The following TMED8 variants were observed in gnomAD, a reference collection of about 807,000 sequenced individuals.
The protein encoded by TMED8 is transmembrane p24 trafficking protein family member 8.
Under a neutral mutation model 32.7 loss-of-function variants are expected in TMED8, and 15 were observed. The observed-to-expected ratio is 0.46, with a 90% CI of 0.31 to 0.71. The LOEUF is 0.71. TMED8 is among the 30% of genes least tolerant of loss of function. TMED8 has a pLI of 0.06. For missense variants in TMED8, 390 were observed against 423.9 expected, an observed-to-expected ratio of 0.92 and a Z score of 0.70; for synonymous variants, 147 against 161.4, an observed-to-expected ratio of 0.91 and a Z score of 0.68.
At chr14:77,355,138 T>C (rs559542405) in intron 1 of TMED8, among the ~76,000 whole-genome samples, 4 of 131,152 alleles carry the variant, frequency 3.0e-5, no homozygotes, top group African/African-American at 7.7e-5. Context: ...TGCATACAAA[T>C]ACAAATGTAT....
chr14:77,362,610 GAAGT>G (rs773959787), intron 1 of TMED8, among the ~76,000 whole-genome samples: 3 of 152,020 alleles, frequency 2.0e-5, no homozygotes, highest in East Asian at 1.9e-4. Context: ...CAAAATAGCA[GAAGT>G]AAGTCCTTCC....
Position 77,343,202 on chromosome 14 carries a change from C to T in TMED8, c.736G>A (p.Glu246Lys), listed in dbSNP as rs750570932. 1.9e-6 allele frequency: 3 copies of T among 1,613,574 alleles called. No individual in the cohort carries two copies. Among genetic ancestry groups the T allele is most frequent in the Non-Finnish European group, 2.5e-6 (3 of 1,179,640 alleles). ...SDSSDDEDEEEEEEEEIEEPV... is the reference protein window; with the variant it reads ...SDSSDDEDEEKEEEEEIEEPV... ...CCTTCAATCTCTTCCTCCTCTTCCT[C>T]TTCTTCATCCTCATCGTCACTGGAA... Residue 246 changes from glutamate (E) to lysine (K), a missense_variant, in exon 5 of 6, where the codon GAG becomes AAG. Transcript: ENST00000216468.
At chr14:77,364,913 G>C (rs765203633) in intron 1 of TMED8, among the ~76,000 whole-genome samples, 2 of 152,078 alleles carry the variant, frequency 1.3e-5, no homozygotes, top group Non-Finnish European at 2.9e-5. Flanking sequence ...CCATTCTATA[G>C]ATAGAACACG....
intron 1 of TMED8, among the ~76,000 whole-genome samples, chr14:77,362,537 C>A (rs1302858421): frequency 6.6e-6 from 1 of 151,920 alleles, no homozygotes; most frequent in Non-Finnish European, 1.5e-5. Context: ...ATCACCAAAT[C>A]ACAAAGGAAA....
In TMED8 at chr14:77,343,690, G is replaced by A; in HGVS notation, c.454+7C>T. 6.2e-7 allele frequency: 1 copy of A among 1,614,038 alleles called. No homozygotes were observed. Among genetic ancestry groups the A allele is most frequent in the Non-Finnish European group, 8.5e-7 (1 of 1,180,000 alleles). ...CAAACCACCTCCTTTACTCCCAAAG[G>A]TCTCACCTTTCCTGTGGTCCCCCAG... On this transcript the variant is annotated splice_region_variant and intron_variant, in intron 4 of 5. Coordinates refer to ENST00000216468, the MANE Select transcript of TMED8 (RefSeq NM_213601.3).
intron 1 of TMED8, among the ~76,000 whole-genome samples, chr14:77,361,301 G>C (rs999045416): frequency 2.0e-5 from 3 of 152,102 alleles, no homozygotes; most frequent in African/African-American, 7.2e-5. Flanking sequence ...TCTTTTGCAT[G>C]TGGAAATCCA....
At position 77,341,951 on chromosome 14, in the gene TMED8, C is replaced by T. The variant is rs750515925; in HGVS notation, c.798G>A (p.Arg266=). 3.1e-6 allele frequency: 5 copies of T among 1,614,038 alleles called. No homozygotes were observed. Among genetic ancestry groups the T allele is most frequent in the Non-Finnish European group, 4.2e-6 (5 of 1,180,010 alleles). The change falls in exon 6 of 6, where the codon AGG becomes AGA. Residue 266 remains arginine, a synonymous_variant. Transcript: ENST00000216468. ...CCCCATAGCGACCCCGCAAGGAGCT[C>T]CTGGAGCCTCTCTCCACATCTCCAG... ...VPAGDVERGS[R]SSLRGRYGEV...
rs532796292 is a variant in TMED8 at position 77,335,724 on chromosome 14, G to C, written c.*6047C>G. The C allele has an allele frequency of 6.6e-6, 1 of 152,136 alleles. No homozygotes were observed. The highest frequency in any genetic ancestry group is 1.5e-5 in the Non-Finnish European group (1 of 68,016). The allele number at this position is 152,136 out of a possible 1,614,324, so 9.4% of individuals were successfully genotyped here. A position where few individuals can be genotyped will look rare whatever the true frequency, so the allele number is the denominator to read the frequency against. On this transcript the variant is annotated 3_prime_UTR_variant, in exon 6 of 6. Coordinates refer to ENST00000216468, the MANE Select transcript of TMED8 (RefSeq NM_213601.3). ...GGAATTTCAAAACACTTCCCGTTAC[G>C]TTAAGGGAAAATGGGTACACCAGAT...
chr14:77,360,664 G>T (rs1255931821), intron 1 of TMED8, among the ~76,000 whole-genome samples: 1 of 152,156 alleles, frequency 6.6e-6, no homozygotes, highest in South Asian at 2.1e-4. Context: ...ACAATGAACA[G>T]GTATCTGAGG....
intron 3 of TMED8, among the ~76,000 whole-genome samples, chr14:77,345,659 C>CCAA (rs1491455094): frequency 3.5e-4 from 36 of 103,202 alleles, no homozygotes; most frequent in Non-Finnish European, 2.5e-4. Context: ...ACCTTTGTCT[C>CCAA]AAAAAAAAAA....
At position 77,376,464 on chromosome 14, in the gene TMED8, G is replaced by C. The variant is rs984669154; in HGVS notation, c.118+472C>G. Among the ~76,000 whole-genome samples, 2 of 152,232 alleles carry C rather than the reference G, an allele frequency of 1.3e-5. No homozygotes were observed. The highest frequency in any genetic ancestry group is 1.3e-4 in the Admixed American group (2 of 15,286). Reference sequence around the variant, plus strand: ...TGGGCTTCTGGCAGAGGAAGGCAAGGCTGCCAACCCGGGTGGGGGCCGAGA... The same window carrying C: ...TGGGCTTCTGGCAGAGGAAGGCAAGCCTGCCAACCCGGGTGGGGGCCGAGA... On this transcript the variant is annotated intron_variant, in intron 1 of 5. Coordinates refer to ENST00000216468, the MANE Select transcript of TMED8 (RefSeq NM_213601.3). The surrounding 1 kb of genome is among the most constrained non-coding windows in gnomAD (Gnocchi z 4.0).
intron 1 of TMED8, among the ~76,000 whole-genome samples, chr14:77,358,178 A>T (rs1449294075): frequency 9.7e-6 from 1 of 102,606 alleles, no homozygotes; most frequent in East Asian, 2.6e-4. Flanking sequence ...TCAATGTAAT[A>T]TATCACACAC....
In TMED8 at chr14:77,343,401, C is replaced by T; in HGVS notation, c.537G>A (p.Lys179=). The change falls in exon 5 of 6, where the codon AAG becomes AAA. Residue 179 remains lysine (K), a synonymous_variant. Transcript: ENST00000216468. ...CACGCTTCACCACCAGACGGCTGTT[C>T]TTCTCTTTGCCCAGCTTGCTTTTGA... ...KEFKSKLGKE[K]NSRLVVKRGE... 1.2e-6 allele frequency: 2 copies of T among 1,614,078 alleles called. No homozygotes were observed. Among genetic ancestry groups the T allele is most frequent in the African/African-American group, 2.7e-5 (2 of 75,042 alleles).
At chr14:77,365,183 G>T (rs1193732002) in intron 1 of TMED8, among the ~76,000 whole-genome samples, 1 of 152,126 alleles carries the variant, frequency 6.6e-6, no homozygotes, top group Non-Finnish European at 1.5e-5. Flanking sequence ...ACATGAAAAA[G>T]GGAAATTTGA....
At position 77,343,184 on chromosome 14, in the gene TMED8, TCTCTTCCTC is replaced by T; in HGVS notation, c.745_753del (p.Glu249_Glu251del). ...AGGTTAAAATTAAATTTACCTTCAA[TCTCTTCCTC>T]CTCTTCCTCTTCTTCATCCTCATCG... On this transcript the variant is annotated inframe_deletion, in exon 5 of 6. Transcript: ENST00000216468. 1.2e-6 allele frequency: 2 copies of T among 1,611,824 alleles called. No homozygotes were observed. The highest frequency in any genetic ancestry group is 1.7e-6 in the Non-Finnish European group (2 of 1,178,250).
chr14:77,347,475 A>C (rs1360394791), intron 2 of TMED8, among the ~76,000 whole-genome samples: 1 of 152,202 alleles, frequency 6.6e-6, no homozygotes, highest in East Asian at 1.9e-4. Flanking sequence ...GGCAGAGTGC[A>C]CCAGTGATGC....
intron 1 of TMED8, among the ~76,000 whole-genome samples, chr14:77,373,048 C>G (rs1893734108): frequency 7.1e-6 from 1 of 140,346 alleles, no homozygotes; most frequent in Admixed American, 7.4e-5. Flanking sequence ...TCACTGCAAC[C>G]TCTGCCTCCT....
At chr14:77,346,623 C>G in intron 2 of TMED8, 145 bp from the exon 3 acceptor site, 1 of 1,021,632 alleles carries the variant, frequency 9.8e-7, no homozygotes, top group Non-Finnish European at 1.5e-6. Flanking sequence ...TCACCTTAGC[C>G]GACCACTGCC....
rs1182990872 is a variant in TMED8, at chr14:77,376,791, GGAAGGGGCCCCGCGCGC to G, written c.118+128_118+144del. The G allele has an allele frequency of 2.5e-6, 1 of 394,456 alleles. No homozygotes were observed. Among genetic ancestry groups the G allele is most frequent in the African/African-American group, 2.1e-5 (1 of 47,804 alleles). The allele number at this position is 394,456 out of a possible 1,614,324, so 24.4% of individuals were successfully genotyped here. On this transcript the variant is annotated intron_variant, in intron 1 of 5. Transcript: ENST00000216468. The surrounding 1 kb of genome is among the most constrained non-coding windows in gnomAD (Gnocchi z 4.0). The stretch of plus-strand genomic sequence containing the variant: ...AGGGCCCGGGTGGTGGCAGCGGCGG[GGAAGGGGCCCCGCGCGC>G]GAAGGGGCTGCCGAGGTGGGTCCGC...
Sources: gnomAD v4.1 joint callset for allele counts (sites outside exome capture counted in the v4.1 genomes callset) on GRCh38, gnomAD v4.1.1 for gene constraint, Gnocchi (gnomAD v3.1) non-coding constraint, MANE v1.5 for transcripts, NCBI Gene and HGNC (gene_info 2026-07-23, HGNC 2026-07-21) for gene names.